KCNK13: variants seen among roughly 807,000 people sequenced by gnomAD.
KCNK13 encodes the protein potassium channel subfamily K member 13.
Under a neutral mutation model 23.4 loss-of-function variants are expected in KCNK13, and 12 were observed. That is an observed-to-expected ratio of 0.51 (90% CI 0.33 to 0.83). The LOEUF is 0.83. Ranked by LOEUF, KCNK13 falls within the 40% of genes least tolerant of loss-of-function variation. The probability of loss-of-function intolerance (pLI) is 0.02; values close to 1 mark genes in which losing one functional copy is unlikely to be tolerated. For synonymous variants in KCNK13, 231 were observed against 229.5 expected (o/e 1.01, Z -0.06); for missense variants, 463 against 556.3 (o/e 0.83, Z 1.69).
chr14:90,125,609 ACACACACACACACACACG>A (rs1889789258), intron 1 of KCNK13, among the ~76,000 whole-genome samples: 1 of 57,920 alleles, frequency 1.7e-5, no homozygotes, highest in African/African-American at 6.4e-5. Flanking sequence ...GCACACACAC[ACACACACACACACACACG>A]CGCACACACA....
chr14:90,165,406 A>G (rs1890292129), intron 1 of KCNK13, among the ~76,000 whole-genome samples: 1 of 152,204 alleles, frequency 6.6e-6, no homozygotes, highest in Non-Finnish European at 1.5e-5. Context: ...TGTCCTCTGC[A>G]GCAAGAAATT....
chr14:90,097,049 G>A (rs1203138803), intron 1 of KCNK13, among the ~76,000 whole-genome samples: 1 of 152,142 alleles, frequency 6.6e-6, no homozygotes, highest in African/African-American at 2.4e-5. Context: ...ACTCAGGGAA[G>A]GGGAGTGGGA....
chr14:90,106,448 GC>G (rs906041090), intron 1 of KCNK13, among the ~76,000 whole-genome samples: 1 of 151,778 alleles, frequency 6.6e-6, no homozygotes, highest in Admixed American at 6.6e-5. Context: ...GGTGGCTCAT[GC>G]CTGTAATTCC....
At chr14:90,114,743 G>A (rs529465272) in intron 1 of KCNK13, among the ~76,000 whole-genome samples, 3 of 152,180 alleles carry the variant, frequency 2.0e-5, no homozygotes, top group East Asian at 3.9e-4. Context: ...CTGATTCTCC[G>A]GGTGTTCCTG....
intron 1 of KCNK13, among the ~76,000 whole-genome samples, chr14:90,105,235 G>A (rs368629240): frequency 3.9e-5 from 6 of 152,066 alleles, no homozygotes; most frequent in African/African-American, 1.4e-4. Context: ...GTCCAAGCTT[G>A]TTTCTGCTTT....
chr14:90,078,900 C>T (rs2140393804), intron 1 of KCNK13, among the ~76,000 whole-genome samples: 1 of 152,312 alleles, frequency 6.6e-6, no homozygotes, highest in East Asian at 1.9e-4. Context: ...TTCCCAAGTC[C>T]ACACAGCTGT....
At chr14:90,100,960 C>T (rs1352079418) in intron 1 of KCNK13, among the ~76,000 whole-genome samples, 2 of 152,062 alleles carry the variant, frequency 1.3e-5, no homozygotes, top group Admixed American at 6.5e-5. Flanking sequence ...TCCCAAAGTG[C>T]TGGAGTTACA....
intron 1 of KCNK13, among the ~76,000 whole-genome samples, chr14:90,150,849 C>T (rs989616108): frequency 5.3e-5 from 8 of 152,106 alleles, no homozygotes; most frequent in Admixed American, 5.2e-4. Context: ...TGTGGTGGTG[C>T]ATTCCTGTAG....
chr14:90,091,363 A>G (rs1336548870), intron 1 of KCNK13, among the ~76,000 whole-genome samples: 2 of 152,168 alleles, frequency 1.3e-5, no homozygotes, highest in Admixed American at 1.3e-4. Context: ...AATGAACTCT[A>G]TGGCTGGCTA....
intron 1 of KCNK13, among the ~76,000 whole-genome samples, chr14:90,145,990 C>T (rs1304914123): frequency 6.9e-6 from 1 of 145,822 alleles, no homozygotes; most frequent in African/African-American, 2.5e-5. Flanking sequence ...GAAAAAGACC[C>T]TGTCTCAAAA....
rs992589894 is a variant in KCNK13 at position 90,107,995 on chromosome 14, A to G, written c.334+45456A>G. On this transcript the variant is annotated intron_variant, in intron 1 of 1. Transcript: ENST00000282146. ...TAAAGCAGATTGGAGTTTTGCAGTA[A>G]CCACAGAGCAGGCCACACGCTGACT... 7.1e-6 allele frequency: 5 copies of G among 706,786 alleles called. No individual in the cohort carries two copies. The Middle Eastern group carries it at 9.3e-4, about 132-fold the overall frequency. The allele number at this position is 706,786 out of a possible 1,614,324, so 43.8% of individuals were successfully genotyped here.
At chr14:90,073,110 T>C (rs2138229) in intron 1 of KCNK13, among the ~76,000 whole-genome samples, 34,892 of 152,088 alleles carry the variant, frequency 0.23, 4,225 homozygotes, top group South Asian at 0.31. Context: ...TTTTCTTCCT[T>C]TAGGGTCCTC....
chr14:90,158,139 G>A (rs912794828), intron 1 of KCNK13, among the ~76,000 whole-genome samples: 4 of 152,286 alleles, frequency 2.6e-5, no homozygotes, highest in South Asian at 4.1e-4. Flanking sequence ...GAAGGGAGGC[G>A]ACCACAGCAG....
intron 1 of KCNK13, among the ~76,000 whole-genome samples, chr14:90,112,133 C>T (rs74407163): frequency 1.3e-5 from 2 of 152,210 alleles, no homozygotes; most frequent in African/African-American, 2.4e-5. Flanking sequence ...CTGCTCTGCT[C>T]GTTCTCCTTG....
chr14:90,069,248 G>C (rs1332243179), intron 1 of KCNK13, among the ~76,000 whole-genome samples: 1 of 151,958 alleles, frequency 6.6e-6, no homozygotes, highest in African/African-American at 2.4e-5. Flanking sequence ...TGTTGGTCAG[G>C]CTGGTCTCAA....
At chr14:90,135,134 A>G (rs1292136162) in intron 1 of KCNK13, among the ~76,000 whole-genome samples, 1 of 152,218 alleles carries the variant, frequency 6.6e-6, no homozygotes, top group African/African-American at 2.4e-5. Context: ...CTGCTGACCC[A>G]GGTCTTCTAA....
chr14:90,068,306 C>T (rs952147347), intron 1 of KCNK13, among the ~76,000 whole-genome samples: 4 of 151,898 alleles, frequency 2.6e-5, no homozygotes, highest in African/African-American at 4.8e-5. Context: ...TAAAAAAGCA[C>T]GTGTTGGGCC....
At chr14:90,149,169 G>A (rs4900022) in intron 1 of KCNK13, among the ~76,000 whole-genome samples, 146,384 of 152,184 alleles carry the variant, frequency 0.96, 70,490 homozygotes, top group Non-Finnish European at 0.98. Context: ...CAGCCTGACC[G>A]ATATGGTGAA....
intron 1 of KCNK13, among the ~76,000 whole-genome samples, chr14:90,075,094 G>T (rs1333199652): frequency 6.6e-6 from 1 of 151,550 alleles, no homozygotes; most frequent in Middle Eastern, 3.2e-3. Context: ...GGTTTCATTG[G>T]TATTATCCTC....
Sources: allele counts gnomAD v4.1 joint callset (sites outside exome capture counted in the v4.1 genomes callset), GRCh38; gene constraint gnomAD v4.1.1; transcripts MANE v1.5; gene names NCBI Gene and HGNC (gene_info 2026-07-23, HGNC 2026-07-21).